PIP4K2A: variants seen among roughly 807,000 people sequenced by gnomAD.
PIP4K2A encodes phosphatidylinositol-5-phosphate 4-kinase type 2 alpha.
Under a neutral mutation model 42.9 loss-of-function variants are expected in PIP4K2A, and 14 were observed. The observed-to-expected ratio is 0.33, with a 90% CI of 0.22 to 0.51. The LOEUF (loss-of-function observed/expected upper bound fraction) is 0.51. Among genes scored for constraint, PIP4K2A ranks in the 20% least tolerant of loss-of-function variants. The pLI, the probability that PIP4K2A is intolerant of heterozygous loss-of-function variation, is 0.97. For missense variants in PIP4K2A, 434 were observed against 519.8 expected (o/e 0.83, Z 1.61); for synonymous variants, 192 against 192.2 (o/e 1.00, Z 0.01).
intron 1 of PIP4K2A, among the ~76,000 whole-genome samples, chr10:22,669,811 G>A (rs1479180124): frequency 6.6e-6 from 1 of 152,148 alleles, no homozygotes; most frequent in African/African-American, 2.4e-5. Flanking sequence ...ATGTCTTTCT[G>A]ATTTCTAGTC....
At chr10:22,647,695 CAGAA>C (rs996426096) in intron 1 of PIP4K2A, among the ~76,000 whole-genome samples, 1 of 152,198 alleles carries the variant, frequency 6.6e-6, no homozygotes, top group African/African-American at 2.4e-5. Flanking sequence ...GAAAAGGCCT[CAGAA>C]AGGTCACAGA....
At chr10:22,609,046 A>G (rs1837972505) in intron 2 of PIP4K2A, among the ~76,000 whole-genome samples, 1 of 152,180 alleles carries the variant, frequency 6.6e-6, no homozygotes, top group Non-Finnish European at 1.5e-5. Context: ...CAGTTTGTAT[A>G]TGTGTCAGTT....
chr10:22,545,996 A>T (rs1462328745), intron 7 of PIP4K2A, among the ~76,000 whole-genome samples: 1 of 152,164 alleles, frequency 6.6e-6, no homozygotes, highest in African/African-American at 2.4e-5. Context: ...CATGATTTCA[A>T]GTCTCTGAGA....
rs1564459946 is a variant in PIP4K2A at position 22,664,106 on chromosome 10, T to TATATATATAC, written c.144+50067_144+50076dup. On this transcript the variant is annotated intron_variant, in intron 1 of 9. Coordinates refer to ENST00000376573, the MANE Select transcript of PIP4K2A (RefSeq NM_005028.5). ...ATATATATACATATATATATATACA[T>TATATATATAC]ATATATATACATATATATATATACA... 2.2e-4 allele frequency among the ~76,000 whole-genome samples: 16 copies of TATATATATAC among 71,250 alleles called. 1 individual carries two copies. The highest frequency in any genetic ancestry group is 1.8e-3 in the African/African-American group (15 of 8,212). 46.7% of individuals were successfully genotyped at this position (71,250 alleles called of 152,430 possible).
chr10:22,628,592 C>A (rs1313042160), intron 1 of PIP4K2A, among the ~76,000 whole-genome samples: 3 of 152,150 alleles, frequency 2.0e-5, no homozygotes, highest in Admixed American at 2.0e-4. Context: ...CCTAGTTTCA[C>A]ACATTTTAGG....
chr10:22,541,158 A>C (rs1324399190), intron 8 of PIP4K2A, among the ~76,000 whole-genome samples: 1 of 152,224 alleles, frequency 6.6e-6, no homozygotes, highest in Non-Finnish European at 1.5e-5. Flanking sequence ...GATACGGTGG[A>C]TTAAGATTTA....
rs71395807 is a variant in PIP4K2A, at chr10:22,645,549, T to TAA, written c.145-35834_145-35833dup. ...GTAACAGAGAAAGATTCTATTTCTT[T>TAA]AAAAAAAAAAAAAAAAGAAAAGAAA... On this transcript the variant is annotated intron_variant, in intron 1 of 9. Coordinates refer to ENST00000376573, the MANE Select transcript of PIP4K2A (RefSeq NM_005028.5). 1.4e-4 allele frequency among the ~76,000 whole-genome samples: 18 copies of TAA among 126,924 alleles called. No homozygotes were observed. In the East Asian group the frequency reaches 1.8e-3, roughly 13 times the overall value. 83.3% of individuals were successfully genotyped at this position (126,924 alleles called of 152,430 possible). A position where few individuals can be genotyped will look rare whatever the true frequency, so the allele number is the denominator to read the frequency against.
intron 1 of PIP4K2A, among the ~76,000 whole-genome samples, chr10:22,661,388 G>T (rs112963671): frequency 2.7e-5 from 3 of 111,596 alleles, no homozygotes; most frequent in African/African-American, 6.9e-5. Flanking sequence ...ATGGGGTCTT[G>T]TTCTGTCGCT....
At chr10:22,605,332 C>G (rs760356534) in intron 3 of PIP4K2A, among the ~76,000 whole-genome samples, 2 of 152,172 alleles carry the variant, frequency 1.3e-5, no homozygotes, top group Non-Finnish European at 2.9e-5. Flanking sequence ...AAGAGTTTAA[C>G]GGACTTGCCA....
At chr10:22,580,091 CCT>C (rs908161241) in intron 4 of PIP4K2A, among the ~76,000 whole-genome samples, 4 of 151,730 alleles carry the variant, frequency 2.6e-5, no homozygotes, top group African/African-American at 9.7e-5. Flanking sequence ...TCCAGGAGCA[CCT>C]GATATGTGCC....
chr10:22,614,099 C>A (rs1161030719), intron 1 of PIP4K2A, among the ~76,000 whole-genome samples: 1 of 152,158 alleles, frequency 6.6e-6, no homozygotes, highest in Admixed American at 6.5e-5. Context: ...CCCTACATGG[C>A]CCTTGAGGGA....
chr10:22,565,978 C>G (rs1041214417), intron 6 of PIP4K2A, among the ~76,000 whole-genome samples: 2 of 152,110 alleles, frequency 1.3e-5, no homozygotes, highest in Non-Finnish European at 2.9e-5. Flanking sequence ...ATCTCAAAAC[C>G]CTGTCTCCTG....
intron 3 of PIP4K2A, among the ~76,000 whole-genome samples, chr10:22,604,344 C>G (rs914354704): frequency 6.6e-6 from 1 of 151,964 alleles, no homozygotes; most frequent in Non-Finnish European, 1.5e-5. Context: ...CTCCACAGAC[C>G]AATACCTACT....
At chr10:22,712,669 C>A (rs1279061292) in intron 1 of PIP4K2A, among the ~76,000 whole-genome samples, 1 of 152,134 alleles carries the variant, frequency 6.6e-6, no homozygotes, top group African/African-American at 2.4e-5. Flanking sequence ...TGCAGTAATG[C>A]ATGCTCTTGT....
Position 22,537,250 on chromosome 10 carries a change from T to C in PIP4K2A, c.1172A>G (p.Glu391Gly). The C allele has an allele frequency of 6.2e-7, 1 of 1,606,798 alleles. No homozygotes were observed. The highest frequency in any genetic ancestry group is 8.5e-7 in the Non-Finnish European group (1 of 1,175,740). The stretch of plus-strand genomic sequence containing the variant: ...GTCCAAAAAGCGCTTTGAATACTGT[T>C]CTGGGTTCACGGTGGAGATCTCCGC... Reference protein sequence around the residue: ...AGAEISTVNPEQYSKRFLDFI... With the variant: ...AGAEISTVNPGQYSKRFLDFI... Residue 391 changes from glutamate (E) to glycine (G), a missense_variant, in exon 10 of 10, where the codon GAA becomes GGA. By Grantham distance (98) the Glu-to-Gly change is moderately conservative. Coordinates refer to ENST00000376573, the MANE Select transcript of PIP4K2A (RefSeq NM_005028.5).
chr10:22,600,782 T>C (rs1466054604), intron 3 of PIP4K2A, among the ~76,000 whole-genome samples: 1 of 152,060 alleles, frequency 6.6e-6, no homozygotes. Context: ...TGAAGACCAA[T>C]GTGGAACTTG....
chr10:22,633,226 C>A (rs1408324112), intron 1 of PIP4K2A, among the ~76,000 whole-genome samples: 2 of 152,222 alleles, frequency 1.3e-5, no homozygotes, highest in African/African-American at 2.4e-5. Context: ...TGGCTCTCAA[C>A]TGCCTCTTGT....
At chr10:22,545,289 G>C (rs1217828474) in intron 7 of PIP4K2A, among the ~76,000 whole-genome samples, 1 of 152,238 alleles carries the variant, frequency 6.6e-6, no homozygotes. Context: ...GGAAGCGCAA[G>C]GTGACCATTT....
At chr10:22,681,213 A>T (rs76399948) in intron 1 of PIP4K2A, among the ~76,000 whole-genome samples, 16,528 of 152,226 alleles carry the variant, frequency 0.11, 974 homozygotes, top group Middle Eastern at 0.22. Context: ...CCCAGGTGCA[A>T]GTAACACTAA....
Sources: allele counts gnomAD v4.1 joint callset (sites outside exome capture counted in the v4.1 genomes callset), GRCh38; gene constraint gnomAD v4.1.1; transcripts MANE v1.5; gene names NCBI Gene and HGNC (gene_info 2026-07-23, HGNC 2026-07-21).